The following SCAPER variants were observed in gnomAD, a reference collection of about 807,000 sequenced individuals.
The protein encoded by SCAPER is S phase cyclin A-associated protein in the endoplasmic reticulum.
SCAPER carries 98 observed loss-of-function variants against 182.2 expected under a neutral mutation model. The observed-to-expected ratio is 0.54, with a 90% CI of 0.46 to 0.64. The LOEUF (loss-of-function observed/expected upper bound fraction) is 0.64. SCAPER is among the 30% of genes least tolerant of loss of function. The pLI is 0.00. For synonymous variants in SCAPER, 605 were observed against 564.6 expected, an observed-to-expected ratio of 1.07 and a Z score of -1.01; for missense variants, 1,432 against 1,690.0, an observed-to-expected ratio of 0.85 and a Z score of 2.68.
At chr15:76,610,158 C>T (rs2050850248) in intron 22 of SCAPER, among the ~76,000 whole-genome samples, 1 of 152,178 alleles carries the variant, frequency 6.6e-6, no homozygotes, top group South Asian at 2.1e-4. Flanking sequence ...GCCAGCATAG[C>T]ACTGTGCGCC....
chr15:76,848,710 A>G (rs1280597085), intron 4 of SCAPER, among the ~76,000 whole-genome samples: 1 of 152,166 alleles, frequency 6.6e-6, no homozygotes, highest in Non-Finnish European at 1.5e-5. Context: ...AACACACTCA[A>G]TTTGTCAGTT....
chr15:76,894,381 T>C (rs963166842), intron 1 of SCAPER, among the ~76,000 whole-genome samples: 1 of 152,230 alleles, frequency 6.6e-6, no homozygotes, highest in East Asian at 1.9e-4. Flanking sequence ...GCTCTGATCA[T>C]GCCTGAGACT....
At chr15:76,839,997 T>G (rs2069309385) in intron 5 of SCAPER, among the ~76,000 whole-genome samples, 1 of 152,228 alleles carries the variant, frequency 6.6e-6, no homozygotes, top group African/African-American at 2.4e-5. Flanking sequence ...AATCTAGAGA[T>G]ATTCTAAGCC....
intron 30 of SCAPER, among the ~76,000 whole-genome samples, chr15:76,352,930 G>A (rs906864108): frequency 6.6e-6 from 1 of 151,582 alleles, no homozygotes; most frequent in African/African-American, 2.4e-5. Context: ...AAAATAAAAC[G>A]TAGATTCAAA....
chr15:76,586,136 A>G (rs2048638473), intron 22 of SCAPER, among the ~76,000 whole-genome samples: 1 of 152,202 alleles, frequency 6.6e-6, no homozygotes. Context: ...ATGTAAAAGT[A>G]TCTCTCCCAG....
chr15:76,808,550 G>A (rs918636210), intron 5 of SCAPER, among the ~76,000 whole-genome samples: 3 of 152,118 alleles, frequency 2.0e-5, no homozygotes, highest in South Asian at 4.2e-4. Context: ...CAAGGTCAGC[G>A]CTGAGCTAAA....
rs561327893 is a variant in SCAPER, at chr15:76,779,959, G to A, written c.773-4842C>T. Among the ~76,000 whole-genome samples, 8 of 152,328 alleles carry A rather than the reference G, an allele frequency of 5.3e-5. No homozygotes were observed. In the East Asian group the frequency reaches 9.6e-4, roughly 18 times the overall value. On this transcript the variant is annotated intron_variant, in intron 8 of 31. Transcript: ENST00000563290. ...ACAGCTCCAGTCTGCAGCTCCCAGC[G>A]TGATCGACGCAGAAGAAAGGATTTC... is the stretch of plus-strand genomic sequence containing the variant.
intron 2 of SCAPER, among the ~76,000 whole-genome samples, chr15:76,867,377 G>A (rs2151903453): frequency 6.6e-6 from 1 of 152,252 alleles, no homozygotes; most frequent in South Asian, 2.1e-4. Flanking sequence ...GTAGCATGAA[G>A]ACAAGATTAC....
At chr15:76,483,560 A>C (rs931165625) in intron 24 of SCAPER, among the ~76,000 whole-genome samples, 1 of 152,166 alleles carries the variant, frequency 6.6e-6, no homozygotes, top group Non-Finnish European at 1.5e-5. Flanking sequence ...GAACGAAAAG[A>C]TAAGCCACAA....
Position 76,533,395 on chromosome 15 carries a change from C to T in SCAPER, c.2839-28421G>A, listed in dbSNP as rs1420485766. Among the ~76,000 whole-genome samples, 2 of 152,092 alleles carry T rather than the reference C, an allele frequency of 1.3e-5. 1 individual carries two copies. The highest frequency in any genetic ancestry group is 3.9e-4 in the East Asian group (2 of 5,192). On this transcript the variant is annotated intron_variant, in intron 23 of 31. Transcript: ENST00000563290. ...TTAGATATGTTTAAATACATGAATA[C>T]TTACCATTGTGTTACAAATGCCTGT...
intron 2 of SCAPER, among the ~76,000 whole-genome samples, chr15:76,866,242 A>T (rs1599178110): frequency 6.6e-6 from 1 of 150,824 alleles, no homozygotes; most frequent in African/African-American, 2.4e-5. Context: ...AGAGACACTG[A>T]GTGTGTGTGT....
chr15:76,360,041 TGATAAG>T (rs2041289440), intron 29 of SCAPER, among the ~76,000 whole-genome samples: 1 of 152,200 alleles, frequency 6.6e-6, no homozygotes, highest in African/African-American at 2.4e-5. Flanking sequence ...ATAGATTTTG[TGATAAG>T]CTGTCTCTTA....
At chr15:76,492,577 C>A (rs2052425768) in intron 24 of SCAPER, among the ~76,000 whole-genome samples, 2 of 151,894 alleles carry the variant, frequency 1.3e-5, no homozygotes, top group African/African-American at 4.8e-5. Flanking sequence ...TGTAAGAAGT[C>A]CTACATGTGG....
At chr15:76,757,976 G>A (rs2062551716) in intron 14 of SCAPER, among the ~76,000 whole-genome samples, 1 of 152,064 alleles carries the variant, frequency 6.6e-6, no homozygotes, top group Admixed American at 6.6e-5. Context: ...TGAGTTGTGT[G>A]AGTACTTCAA....
At chr15:76,457,156 G>A (rs545971695) in intron 25 of SCAPER, among the ~76,000 whole-genome samples, 23 of 151,908 alleles carry the variant, frequency 1.5e-4, no homozygotes, top group African/African-American at 5.6e-4. Context: ...TCCGCCTCCC[G>A]GGTTCAAGTG....
intron 23 of SCAPER, among the ~76,000 whole-genome samples, chr15:76,519,001 A>G (rs2042648861): frequency 6.6e-6 from 1 of 152,244 alleles, no homozygotes; most frequent in South Asian, 2.1e-4. Context: ...AGTGAGAATA[A>G]GACCTTTACT....
At chr15:76,413,455 T>C (rs1406892482) in intron 26 of SCAPER, among the ~76,000 whole-genome samples, 1 of 152,236 alleles carries the variant, frequency 6.6e-6, no homozygotes, top group East Asian at 1.9e-4. Context: ...TTTCCTTTTG[T>C]TGAGGTCAGT....
At position 76,544,400 on chromosome 15, in the gene SCAPER, C is replaced by T. The variant is rs1567409206; in HGVS notation, c.2838+29758G>A. ...TATTATTAACAGCCAAAAGCAGAAA[C>T]AACTCAAATGTCTATCAACAAAATG... On this transcript the variant is annotated intron_variant, in intron 23 of 31. Coordinates refer to ENST00000563290, the MANE Select transcript of SCAPER (RefSeq NM_020843.4). Among the ~76,000 whole-genome samples, 3 of 152,170 alleles carry T rather than the reference C, an allele frequency of 2.0e-5. No individual in the cohort carries two copies. The East Asian group carries it at 5.8e-4, about 29-fold the overall frequency.
chr15:76,864,841 C>T (rs919917170), intron 2 of SCAPER, among the ~76,000 whole-genome samples: 1 of 152,064 alleles, frequency 6.6e-6, no homozygotes, highest in African/African-American at 2.4e-5. Flanking sequence ...GATAAACAGA[C>T]ACATATTACT....
Sources: gnomAD v4.1 joint callset for allele counts (sites outside exome capture counted in the v4.1 genomes callset) on GRCh38, gnomAD v4.1.1 for gene constraint, MANE v1.5 for transcripts, NCBI Gene and HGNC (gene_info 2026-07-23, HGNC 2026-07-21) for gene names.